The following MYOM2 variants were observed in gnomAD, a reference collection of about 807,000 sequenced individuals.
MYOM2 encodes the protein myomesin 2.
A neutral mutation model predicts 187.6 loss-of-function variants in MYOM2; 254 were observed. That is an observed-to-expected ratio of 1.35 (90% CI 1.22 to 1.50). The LOEUF is 1.50. Ranked by LOEUF, MYOM2 falls within the 40% of genes most tolerant of loss-of-function variation. The pLI is 0.00. For synonymous variants in MYOM2, 981 were observed against 753.8 expected (o/e 1.30, Z -4.94); for missense variants, 2,796 against 1,924.0 (o/e 1.45, Z -8.48).
rs368535466 is a variant in MYOM2 at position 2,124,195 on chromosome 8, T to G, written c.3672T>G (p.Ile1224Met). The change falls in exon 31 of 37, where the codon ATT becomes ATG. Residue 1224 changes from isoleucine to methionine, a missense_variant. Transcript: ENST00000262113. ...CATTTTCAGTGTATGATGATATGAT[T>G]TTGGCAATGAGTAGAGTCTGTGGTA... ...EIAGKVYDDM[I>M]LAMSRVCGKS... is the part of the protein sequence containing the mutation. 9 of 1,612,904 alleles carry G rather than the reference T, an allele frequency of 5.6e-6. No homozygotes were observed. The African/African-American group carries it at 1.1e-4, about 19-fold the overall frequency.
At chr8:2,100,532 A>G in intron 19 of MYOM2, 1 of 260,740 alleles carries the variant, frequency 3.8e-6, no homozygotes, top group Non-Finnish European at 7.5e-6. Flanking sequence ...TGTGACTGCC[A>G]GGTGTCCAGC....
chr8:2,103,516 G>C (rs1585911970), intron 21 of MYOM2, among the ~76,000 whole-genome samples: 1 of 150,464 alleles, frequency 6.6e-6, no homozygotes, highest in South Asian at 2.1e-4. Flanking sequence ...GGGAGAGTGT[G>C]CATGTATTCT....
In MYOM2 at chr8:2,085,553, A is replaced by ATGATCTCTGTGTGGCCCACCGCTGTCG. The variant is rs1819824830; in HGVS notation, c.1644+172_1644+173insTGTGGCCCACCGCTGTCGTGATCTCTG. Among the ~76,000 whole-genome samples the ATGATCTCTGTGTGGCCCACCGCTGTCG allele has an allele frequency of 8.3e-4, 6 of 7,210 alleles. 3 individuals are homozygous for ATGATCTCTGTGTGGCCCACCGCTGTCG. The highest frequency in any genetic ancestry group is 1.3e-3 in the Non-Finnish European group (6 of 4,716). 4.7% of individuals were successfully genotyped at this position (7,210 alleles called of 152,430 possible). The stretch of plus-strand genomic sequence containing the variant: ...GTGATCTCTGCGTGGCCCCACTGTC[A>ATGATCTCTGTGTGGCCCACCGCTGTCG]TGATCTCTGCGTGGCCCCACTGTTG... On this transcript the variant is annotated intron_variant, in intron 14 of 36. Transcript: ENST00000262113.
intron 13 of MYOM2, among the ~76,000 whole-genome samples, chr8:2,080,543 C>A (rs1819585804): frequency 6.6e-6 from 1 of 152,184 alleles, no homozygotes; most frequent in Non-Finnish European, 1.5e-5. Flanking sequence ...TAGTCAAATC[C>A]TCTGGCTGCA....
At chr8:2,051,724 C>A (rs1290457710) in intron 2 of MYOM2, among the ~76,000 whole-genome samples, 1 of 152,188 alleles carries the variant, frequency 6.6e-6, no homozygotes, top group East Asian at 1.9e-4. Context: ...GAGGTGGCAC[C>A]AGCCACAGTG....
intron 28 of MYOM2, among the ~76,000 whole-genome samples, chr8:2,122,575 C>G (rs1311973755): frequency 2.6e-5 from 4 of 152,246 alleles, no homozygotes; most frequent in African/African-American, 9.6e-5. Context: ...CTTGAATTCA[C>G]ATGGGATGTG....
chr8:2,144,874 G>C lies in MYOM2; in HGVS notation c.4291G>C (p.Val1431Leu). 6.2e-7 allele frequency: 1 copy of C among 1,614,102 alleles called. No homozygotes were observed. The highest frequency in any genetic ancestry group is 8.5e-7 in the Non-Finnish European group (1 of 1,180,024). Residue 1431 changes from valine (V) to leucine (L), a missense_variant, in exon 37 of 37, where the codon GTG becomes CTG. By Grantham distance (32) the Val-to-Leu change is conservative. Coordinates refer to ENST00000262113, the MANE Select transcript of MYOM2 (RefSeq NM_003970.4). The part of the protein sequence containing the change: ...KNKYGGEKID[V>L]TVSVYKHGEK... The stretch of plus-strand genomic sequence containing the variant: ...TAAGTATGGCGGGGAGAAGATCGAC[G>C]TGACAGTGAGCGTGTACAAACACGG...
At chr8:2,058,945 T>C (rs571910663) in intron 5 of MYOM2, among the ~76,000 whole-genome samples, 1 of 152,116 alleles carries the variant, frequency 6.6e-6, no homozygotes, top group South Asian at 2.1e-4. Context: ...CCCCTGAGAG[T>C]CTGAACGAGG....
intron 20 of MYOM2, 100 bp from the exon 21 acceptor site, chr8:2,102,567 G>A (rs188965545): frequency 1.4e-4 from 90 of 634,498 alleles, no homozygotes; most frequent in Admixed American, 1.1e-3. Context: ...GGAAAAATAA[G>A]CTATTTTTGA....
chr8:2,079,766 C>T (rs562831711), intron 13 of MYOM2, among the ~76,000 whole-genome samples, 153 bp downstream of exon 13: 1 of 152,064 alleles, frequency 6.6e-6, no homozygotes, highest in East Asian at 1.9e-4. Flanking sequence ...GCCCAGTGTC[C>T]ATAGAAGTTA....
chr8:2,052,133 C>G (rs894525291), intron 2 of MYOM2, 25 bp from the exon 3 acceptor site: 3 of 1,612,576 alleles, frequency 1.9e-6, no homozygotes, highest in Non-Finnish European at 8.5e-7. Context: ...GCATGCATCT[C>G]CTAATCGTGT....
chr8:2,071,579 G>A (rs187807709), intron 8 of MYOM2, among the ~76,000 whole-genome samples: 32 of 152,298 alleles, frequency 2.1e-4, no homozygotes, highest in Middle Eastern at 3.4e-3. Flanking sequence ...TGGGGCTGAG[G>A]TTGGACTTAA....
intron 28 of MYOM2, 118 bp from the exon 29 acceptor site, chr8:2,123,134 A>G: frequency 3.2e-6 from 2 of 623,012 alleles, no homozygotes. Context: ...GAGACTGTCT[A>G]TAGTAAAAAC....
intron 9 of MYOM2, among the ~76,000 whole-genome samples, chr8:2,072,968 CT>C (rs1819285655): frequency 6.6e-6 from 1 of 152,188 alleles, no homozygotes; most frequent in African/African-American, 2.4e-5. Context: ...ACAGTAGCCC[CT>C]TCAGCTGCAC....
At position 2,069,431 on chromosome 8, in the gene MYOM2, C is replaced by G. The variant is rs200051148; in HGVS notation, c.743-16C>G. ...CCTTTTCTCTTTTCTGCTGCACTCA[C>G]TTTGCTGTCTTGCAGGGTTCCGGGG... is the stretch of plus-strand genomic sequence containing the variant. On this transcript the variant is annotated splice_polypyrimidine_tract_variant and intron_variant, in intron 7 of 36. Coordinates refer to ENST00000262113, the MANE Select transcript of MYOM2 (RefSeq NM_003970.4). The G allele has an allele frequency of 1.2e-5, 19 of 1,614,098 alleles. No homozygotes were observed. Among genetic ancestry groups the G allele is most frequent in the Non-Finnish European group, 3.4e-6 (4 of 1,180,022 alleles).
rs1376257424 is a variant in MYOM2 at position 2,057,677 on chromosome 8, G to T, written c.457G>T (p.Ala153Ser). The change falls in exon 5 of 37, where the codon GCT becomes TCT. Residue 153 changes from alanine to serine, a missense_variant. Transcript: ENST00000262113. The stretch of plus-strand genomic sequence containing the variant: ...CACATTTGAAGAGCGGATAAGCAGG[G>T]CTCCTGAGATCCTGGTGCGGCTGCG... ...RHTFEERISR[A>S]PEILVRLRSH... 6.2e-7 allele frequency: 1 copy of T among 1,614,142 alleles called. No individual in the cohort carries two copies.
chr8:2,092,092 T>C (rs1017619090), intron 15 of MYOM2, among the ~76,000 whole-genome samples: 5 of 152,032 alleles, frequency 3.3e-5, no homozygotes, highest in African/African-American at 1.2e-4. Context: ...GACAGGAGGA[T>C]TCAGGATGGA....
intron 13 of MYOM2, chr8:2,085,005 C>G (rs1323148135): frequency 2.2e-6 from 1 of 444,664 alleles, no homozygotes; most frequent in African/African-American, 2.0e-5. Context: ...CCAACAGAAT[C>G]TCTGGAAGAC....
At chr8:2,082,379 CT>C (rs1819659583) in intron 13 of MYOM2, among the ~76,000 whole-genome samples, 1 of 146,402 alleles carries the variant, frequency 6.8e-6, no homozygotes, top group Non-Finnish European at 1.5e-5. Context: ...CTACCTGTGT[CT>C]TTTTTCTTCA....
Sources: gnomAD v4.1 joint callset for allele counts (sites outside exome capture counted in the v4.1 genomes callset) on GRCh38, gnomAD v4.1.1 for gene constraint, MANE v1.5 for transcripts, NCBI Gene and HGNC (gene_info 2026-07-23, HGNC 2026-07-21) for gene names.